TPO: variants seen among roughly 807,000 people sequenced by gnomAD.
TPO encodes the protein thyroid peroxidase.
A neutral mutation model predicts 96.9 loss-of-function variants in TPO; 78 were observed. The observed-to-expected ratio is 0.81, with a 90% CI of 0.67 to 0.97. The LOEUF (loss-of-function observed/expected upper bound fraction) is 0.97, where lower values mean the gene tolerates loss of function less well. Among genes scored for constraint, TPO ranks in the 50% least tolerant of loss-of-function variants. The pLI, the probability that TPO is intolerant of heterozygous loss-of-function variation, is 0.00. For synonymous variants in TPO, 547 were observed against 538.0 expected (o/e 1.02, Z -0.23); for missense variants, 1,252 against 1,274.8 (o/e 0.98, Z 0.27).
intron 14 of TPO, chr2:1,513,489 G>C (rs1185672296): frequency 1.3e-5 from 2 of 152,268 alleles, no homozygotes; most frequent in African/African-American, 4.8e-5. Flanking sequence ...ATGAGGCATG[G>C]CTGTGAGAGG....
intron 3 of TPO, among the ~76,000 whole-genome samples, chr2:1,431,240 G>T (rs1383640515): frequency 3.3e-5 from 5 of 152,068 alleles, no homozygotes; most frequent in African/African-American, 1.2e-4. Context: ...GTGAGACCTG[G>T]TTGTTTTACG....
chr2:1,408,948 G>A (rs1662286410), upstream of TPO, among the ~76,000 whole-genome samples: 1 of 152,190 alleles, frequency 6.6e-6, no homozygotes, highest in Admixed American at 6.5e-5. Flanking sequence ...TGAGAAGATG[G>A]CTCTTTGCTG....
At chr2:1,422,344 C>CGGCCTCGTGCAGACGCCGCGCTGGACA (rs1663728395) in intron 2 of TPO, among the ~76,000 whole-genome samples, 1 of 77,520 alleles carries the variant, frequency 1.3e-5, no homozygotes, top group African/African-American at 4.7e-5. Flanking sequence ...TCTCCTGGAC[C>CGGCCTCGTGCAGACGCCGCGCTGGACA]GACCTCGTGC....
chr2:1,509,737 G>T (rs66493432), intron 14 of TPO, among the ~76,000 whole-genome samples: 348 of 28,730 alleles, frequency 0.012, 1 homozygote, highest in South Asian at 0.035. Flanking sequence ...CCACCCTCTT[G>T]TTTCAGGGAC....
At chr2:1,473,331 G>A (rs1247058978) in intron 7 of TPO, among the ~76,000 whole-genome samples, 1 of 152,096 alleles carries the variant, frequency 6.6e-6, no homozygotes, top group Non-Finnish European at 1.5e-5. Context: ...CTCCCCACAG[G>A]CCTAGATAGC....
chr2:1,386,201 G>T (rs187080513), intron 1 of TPO, among the ~76,000 whole-genome samples: 2 of 152,296 alleles, frequency 1.3e-5, no homozygotes, highest in African/African-American at 4.8e-5. Context: ...TTGATTTGGC[G>T]TGGAGAGTTC....
At chr2:1,465,147 G>T (rs1668781942) in intron 7 of TPO, among the ~76,000 whole-genome samples, 1 of 152,110 alleles carries the variant, frequency 6.6e-6, no homozygotes, top group Non-Finnish European at 1.5e-5. Flanking sequence ...ATCATTTGTT[G>T]AATAGGGTGT....
chr2:1,528,603 C>T (rs1381474235), intron 15 of TPO, among the ~76,000 whole-genome samples: 2 of 146,582 alleles, frequency 1.4e-5, no homozygotes, highest in African/African-American at 2.6e-5. Flanking sequence ...CCCAAATCTA[C>T]CCCAGTCTGT....
chr2:1,458,741 C>T (rs1295171315), intron 7 of TPO, among the ~76,000 whole-genome samples: 3 of 152,174 alleles, frequency 2.0e-5, no homozygotes, highest in Non-Finnish European at 1.5e-5. Context: ...TGGTAAGGAC[C>T]ACTTAGCAAT....
chr2:1,506,839 G>A lies in TPO; in HGVS notation c.2518+2760G>A, dbSNP rs180806186. Among the ~76,000 whole-genome samples, 311 of 152,296 alleles carry A rather than the reference G, an allele frequency of 2.0e-3. 2 individuals carry two copies. The highest frequency in any genetic ancestry group is 6.9e-3 in the African/African-American group (288 of 41,552). On this transcript the variant is annotated intron_variant, in intron 14 of 16. Coordinates refer to ENST00000329066, the MANE Select transcript of TPO (RefSeq NM_001206744.2). ...TTTTCTCCCATTCTGTAGGTTGCCT[G>A]TTCAGTCTGATAGTAGTTTCTTTTG...
chr2:1,398,145 C>A lies in TPO; in HGVS notation n.180+23743C>A, dbSNP rs967285125. Reference sequence around the variant, plus strand: ...TTCCTCCCTCACTCAGGGATGACTCCGGTGAGGGACAGGACTGTGGCCAGG... The same window carrying A: ...TTCCTCCCTCACTCAGGGATGACTCAGGTGAGGGACAGGACTGTGGCCAGG... On this transcript the variant is annotated intron_variant and non_coding_transcript_variant, in intron 1 of 5. Transcript: ENST00000497517. Among the ~76,000 whole-genome samples the A allele has an allele frequency of 3.9e-5, 6 of 152,314 alleles. No homozygotes were observed. In the East Asian group the frequency reaches 1.2e-3, roughly 29 times the overall value.
chr2:1,425,266 T>A (rs1664228968), intron 3 of TPO, among the ~76,000 whole-genome samples: 1 of 152,186 alleles, frequency 6.6e-6, no homozygotes, highest in Non-Finnish European at 1.5e-5. Flanking sequence ...AAGTCTATGC[T>A]CCTCCTGTAA....
chr2:1,412,998 G>T (rs1265777932), upstream of TPO, among the ~76,000 whole-genome samples: 1 of 152,084 alleles, frequency 6.6e-6, no homozygotes, highest in Non-Finnish European at 1.5e-5. Flanking sequence ...TTGGAAAAAA[G>T]TGTACTTTAT....
intron 7 of TPO, among the ~76,000 whole-genome samples, chr2:1,460,389 T>G (rs1236200879): frequency 6.6e-6 from 1 of 152,148 alleles, no homozygotes; most frequent in Admixed American, 6.5e-5. Context: ...GCAGAATCTG[T>G]GCAAAAAAAT....
intron 1 of TPO, among the ~76,000 whole-genome samples, chr2:1,388,546 A>C (rs368628127): frequency 1.3e-5 from 2 of 152,154 alleles, no homozygotes; most frequent in South Asian, 4.1e-4. Context: ...GCCGTTTGCT[A>C]AGACCATTGG....
At chr2:1,423,663 C>T (rs1558266620) in intron 3 of TPO, among the ~76,000 whole-genome samples, 1 of 152,138 alleles carries the variant, frequency 6.6e-6, no homozygotes, top group Non-Finnish European at 1.5e-5. Flanking sequence ...ACCTGTAAAG[C>T]AGTTTGCCCT....
At chr2:1,418,373 T>C (rs534211390) in intron 2 of TPO, among the ~76,000 whole-genome samples, 2 of 151,572 alleles carry the variant, frequency 1.3e-5, no homozygotes, top group South Asian at 4.2e-4. Flanking sequence ...CTGCAAACTG[T>C]AGGAAGGTGA....
chr2:1,403,233 C>T (rs377113241), intron 1 of TPO, among the ~76,000 whole-genome samples: 2 of 152,108 alleles, frequency 1.3e-5, no homozygotes, highest in Non-Finnish European at 2.9e-5. Context: ...GGAGCTTGTC[C>T]GGGGTGCAGG....
intron 15 of TPO, among the ~76,000 whole-genome samples, chr2:1,522,463 T>C (rs1315959623): frequency 6.9e-6 from 1 of 145,486 alleles, no homozygotes; most frequent in Non-Finnish European, 1.5e-5. Flanking sequence ...CACCGTGCCC[T>C]CACAGACTCT....
Sources: allele counts gnomAD v4.1 joint callset (sites outside exome capture counted in the v4.1 genomes callset), GRCh38; gene constraint gnomAD v4.1.1; transcripts MANE v1.5; gene names NCBI Gene and HGNC (gene_info 2026-07-23, HGNC 2026-07-21).